Variants in TXNRD1 observed in about 807,000 individuals in gnomAD.
The protein encoded by TXNRD1 is thioredoxin reductase 1.
In TXNRD1, 57 loss-of-function variants were observed where a neutral mutation model predicts 80.3. That is an observed-to-expected ratio of 0.71 (90% confidence interval 0.57 to 0.89). The LOEUF (loss-of-function observed/expected upper bound fraction) is 0.89. TXNRD1 is among the 40% of genes least tolerant of loss of function. The probability of loss-of-function intolerance (pLI) is 0.00; values close to 1 mark genes in which losing one functional copy is unlikely to be tolerated. For synonymous variants in TXNRD1, 291 were observed against 285.2 expected (o/e 1.02, Z -0.20); for missense variants, 730 against 803.0 (o/e 0.91, Z 1.10).
intron 3 of TXNRD1, chr12:104,284,148 A>G (rs1216391970): frequency 6.6e-6 from 1 of 152,232 alleles, no homozygotes; most frequent in Non-Finnish European, 1.5e-5. Context: ...TGAAATGGTC[A>G]TTTTGGATCC....
At chr12:104,285,331 A>C (rs545610605) in intron 3 of TXNRD1, among the ~76,000 whole-genome samples, 310 of 152,348 alleles carry the variant, frequency 2.0e-3, no homozygotes, top group African/African-American at 7.2e-3. Flanking sequence ...GGCTCTTAAC[A>C]GCAGCAAGAA....
At chr12:104,324,513 G>A (rs977543870) in intron 10 of TXNRD1, among the ~76,000 whole-genome samples, 20 of 151,810 alleles carry the variant, frequency 1.3e-4, no homozygotes, top group African/African-American at 3.9e-4. Context: ...CACCACGCCC[G>A]GCTAATTTTT....
At chr12:104,299,516 C>T (rs567107398) in intron 4 of TXNRD1, among the ~76,000 whole-genome samples, 1 of 152,186 alleles carries the variant, frequency 6.6e-6, no homozygotes, top group East Asian at 1.9e-4. Flanking sequence ...CGCATGTAAT[C>T]CCAGCATTTT....
At chr12:104,330,485 T>A (rs1753000348) in intron 13 of TXNRD1, among the ~76,000 whole-genome samples, 1 of 152,182 alleles carries the variant, frequency 6.6e-6, no homozygotes, top group African/African-American at 2.4e-5. Context: ...GTCCTAAGAG[T>A]TAACCTTTTT....
rs1298597175 is a variant in TXNRD1, at chr12:104,303,985, C to T, written c.415-7305C>T. 10 of 1,608,102 alleles carry T rather than the reference C, an allele frequency of 6.2e-6. No homozygotes were observed. In the East Asian group the frequency reaches 8.9e-5, roughly 14 times the overall value. On this transcript the variant is annotated intron_variant, in intron 4 of 16. Transcript: ENST00000525566. ...CCGCGGGCTGCTCCGACGACCTCAG[C>T]TCTGGGGAGGCCGACGTAGACCCAA...
intron 3 of TXNRD1, among the ~76,000 whole-genome samples, chr12:104,265,067 C>G (rs889205565): frequency 3.3e-5 from 5 of 152,012 alleles, no homozygotes; most frequent in Admixed American, 6.6e-5. Flanking sequence ...GCCTGGCCAA[C>G]ATGGTGAAAC....
At chr12:104,267,696 TC>T (rs754543435) in intron 3 of TXNRD1, among the ~76,000 whole-genome samples, 8,746 of 39,272 alleles carry the variant, frequency 0.22, 424 homozygotes, top group East Asian at 0.31. Flanking sequence ...TTTCTTTCTT[TC>T]TTTCTCTCTT....
chr12:104,275,945 A>T (rs1022899258), intron 3 of TXNRD1, among the ~76,000 whole-genome samples: 4 of 152,244 alleles, frequency 2.6e-5, no homozygotes, highest in African/African-American at 9.6e-5. Flanking sequence ...CATTTTATAG[A>T]TGAGTAAACA....
chr12:104,217,730 C>T (rs2032249250), intron 1 of TXNRD1, among the ~76,000 whole-genome samples: 2 of 152,182 alleles, frequency 1.3e-5, no homozygotes, highest in Admixed American at 6.6e-5. Flanking sequence ...AACTCGTTAA[C>T]TTTTCATTTG....
intron 1 of TXNRD1, among the ~76,000 whole-genome samples, chr12:104,229,475 A>G (rs2032560707): frequency 6.6e-6 from 1 of 152,134 alleles, no homozygotes; most frequent in Non-Finnish European, 1.5e-5. Flanking sequence ...TTCACTTAGC[A>G]TAATATTTTC....
intron 3 of TXNRD1, among the ~76,000 whole-genome samples, chr12:104,275,602 C>T (rs1209781895): frequency 2.0e-5 from 3 of 151,656 alleles, no homozygotes; most frequent in Non-Finnish European, 2.9e-5. Context: ...AGGCTGGTCT[C>T]GAACTCCTGA....
chr12:104,259,905 A>G (rs1440156776), intron 3 of TXNRD1, among the ~76,000 whole-genome samples: 1 of 152,216 alleles, frequency 6.6e-6, no homozygotes, highest in Non-Finnish European at 1.5e-5. Context: ...ACTACCATAT[A>G]TAGAGTGTTA....
chr12:104,277,900 G>A (rs1348343950), intron 3 of TXNRD1, among the ~76,000 whole-genome samples: 22 of 138,382 alleles, frequency 1.6e-4, no homozygotes, highest in African/African-American at 4.7e-4. Flanking sequence ...TTTTTGAGAC[G>A]AAGTCTCACT....
rs1377172407 is a variant in TXNRD1, at chr12:104,336,911, C to T, written c.1747-2228C>T. 2.6e-5 allele frequency among the ~76,000 whole-genome samples: 4 copies of T among 152,136 alleles called. No homozygotes were observed. In the East Asian group the frequency reaches 7.7e-4, roughly 29 times the overall value. The stretch of plus-strand genomic sequence containing the variant: ...GGGCAGATCTGTACATTTATTCTCA[C>T]ACAATGTAGATACCATGCTATTAAC... On this transcript the variant is annotated intron_variant, in intron 15 of 16. Transcript: ENST00000525566.
At chr12:104,297,356 ATATTTATTTATT>A (rs747031876) in intron 4 of TXNRD1, among the ~76,000 whole-genome samples, 1 of 150,972 alleles carries the variant, frequency 6.6e-6, no homozygotes, top group Non-Finnish European at 1.5e-5. Context: ...AAATAAATTT[ATATTTATTTATT>A]TATTTATTTA....
At chr12:104,263,122 G>C (rs997976744) in intron 3 of TXNRD1, among the ~76,000 whole-genome samples, 2 of 152,238 alleles carry the variant, frequency 1.3e-5, no homozygotes, top group Non-Finnish European at 2.9e-5. Flanking sequence ...CATGTCCTGT[G>C]TGTAGGTAGT....
intron 4 of TXNRD1, among the ~76,000 whole-genome samples, chr12:104,301,049 T>C (rs933328165): frequency 1.3e-5 from 2 of 152,254 alleles, no homozygotes; most frequent in African/African-American, 4.8e-5. Context: ...ATAGAATGCA[T>C]TCAGCACTGT....
In TXNRD1 at chr12:104,348,513, C is replaced by A; in HGVS notation, c.*92C>A. 8.1e-7 allele frequency: 1 copy of A among 1,240,790 alleles called. No homozygotes were observed. Among genetic ancestry groups the A allele is most frequent in the Non-Finnish European group, 1.2e-6 (1 of 851,002 alleles). The allele number at this position is 1,240,790 out of a possible 1,614,324, so 76.9% of individuals were successfully genotyped here. A position where few individuals can be genotyped will look rare whatever the true frequency, so the allele number is the denominator to read the frequency against. On this transcript the variant is annotated 3_prime_UTR_variant, in exon 17 of 17. Coordinates refer to ENST00000525566, the MANE Select transcript of TXNRD1 (RefSeq NM_001093771.3). ...CGAAGTTTTCTAGAGGGTTCTTGGG[C>A]TCTTGGCACCTGCGTGTCCTGTGCT...
chr12:104,281,786 T>C (rs544111913), intron 3 of TXNRD1, among the ~76,000 whole-genome samples: 2 of 152,084 alleles, frequency 1.3e-5, no homozygotes, highest in Non-Finnish European at 2.9e-5. Flanking sequence ...CAACAATCAT[T>C]TCCTTCTCTT....
Sources: allele counts gnomAD v4.1 joint callset (sites outside exome capture counted in the v4.1 genomes callset), GRCh38; gene constraint gnomAD v4.1.1; transcripts MANE v1.5; gene names NCBI Gene and HGNC (gene_info 2026-07-23, HGNC 2026-07-21).